Variants in POM121 observed in about 807,000 individuals in gnomAD.
POM121 encodes nuclear envelope pore membrane protein POM 121.
POM121 carries 32 observed loss-of-function variants against 81.3 expected under a neutral mutation model. The ratio of observed to expected loss-of-function variants is 0.39; its 90% CI spans 0.30 to 0.53. The LOEUF (loss-of-function observed/expected upper bound fraction) is 0.53, where lower values mean the gene tolerates loss of function less well. POM121 is among the 20% of genes least tolerant of loss of function. POM121 has a pLI of 0.66. For missense variants in POM121, 1,138 were observed against 1,614.6 expected, an observed-to-expected ratio of 0.70 and a Z score of 5.06; for synonymous variants, 514 against 694.2, an observed-to-expected ratio of 0.74 and a Z score of 4.08.
At chr7:72,902,777 G>A (rs1393308088) in intron 3 of POM121, among the ~76,000 whole-genome samples, 1 of 152,152 alleles carries the variant, frequency 6.6e-6, no homozygotes, top group African/African-American at 2.4e-5. Flanking sequence ...TGATCTGCCT[G>A]CCTCAACCTC....
At chr7:72,938,993 C>T (rs1796799474) in intron 6 of POM121, among the ~76,000 whole-genome samples, 1 of 152,230 alleles carries the variant, frequency 6.6e-6, no homozygotes, top group Non-Finnish European at 1.5e-5. Context: ...AGGTTCTTGA[C>T]TCGAGCTGAC....
intron 1 of POM121, among the ~76,000 whole-genome samples, chr7:72,883,135 G>T (rs531809536): frequency 6.6e-6 from 1 of 152,238 alleles, no homozygotes; most frequent in South Asian, 2.1e-4. Context: ...AATCTCCTGG[G>T]CCCACACGAT....
Position 72,881,066 on chromosome 7 carries a change from C to CTTTT in POM121, c.-521+1200_-521+1203dup, listed in dbSNP as rs3973810. On this transcript the variant is annotated intron_variant, in intron 1 of 15. Transcript: ENST00000395270. The stretch of plus-strand genomic sequence containing the variant: ...ACAGGCGCATGCTTCCCCTATCACT[C>CTTTT]TTTTTTTTTTTTTTTTTTTTTTGAG... Among the ~76,000 whole-genome samples the CTTTT allele has an allele frequency of 2.3e-4, 11 of 47,228 alleles. 1 individual carries two copies. The highest frequency in any genetic ancestry group is 1.2e-3 in the East Asian group (2 of 1,684). 31.0% of individuals were successfully genotyped at this position (47,228 alleles called of 152,430 possible). A position where few individuals can be genotyped will look rare whatever the true frequency, so the allele number is the denominator to read the frequency against.
At chr7:72,930,649 A>G (rs1289280465) in intron 5 of POM121, among the ~76,000 whole-genome samples, 1 of 152,236 alleles carries the variant, frequency 6.6e-6, no homozygotes, top group Non-Finnish European at 1.5e-5. Flanking sequence ...GGATTATCGC[A>G]TAGTATAGGG....
rs1554498235 is a variant in POM121 at position 72,929,948 on chromosome 7, C to T, written c.1112C>T (p.Ser371Phe). 1.2e-6 allele frequency: 2 copies of T among 1,605,612 alleles called. No homozygotes were observed. The stretch of plus-strand genomic sequence containing the variant: ...GTCTTCTCTTTTATTAGGCCTGGGT[C>T]TCTGAAGAGAGGCCTCAATTCTCAG... ...VPASFVPKPG[S>F]LKRGLNSQSS... The change falls in exon 5 of 13, where the codon TCT becomes TTT. Residue 371 changes from serine to phenylalanine, a missense_variant. Physicochemically the swap from Ser to Phe is radical, Grantham distance 155 (BLOSUM62 -2). This residue lies in a region of POM121 where 646 missense variants were observed against 633.5 expected (regional missense o/e 1.02). Coordinates refer to ENST00000434423, the MANE Select transcript of POM121 (RefSeq NM_001387691.1).
chr7:72,948,845 C>T (rs782344070), downstream of POM121: 2 of 1,562,482 alleles, frequency 1.3e-6, no homozygotes, highest in Non-Finnish European at 1.8e-6. Context: ...GGTAAGAGAG[C>T]AGTTCACCCC....
At position 72,943,792 on chromosome 7, in the gene POM121, T is replaced by G. The variant is rs1240324092; in HGVS notation, c.3529+270T>G. Among the ~76,000 whole-genome samples the G allele has an allele frequency of 3.3e-5, 5 of 152,250 alleles. No homozygotes were observed. In the East Asian group the frequency reaches 9.7e-4, roughly 29 times the overall value. On this transcript the variant is annotated intron_variant, in intron 11 of 12. Coordinates refer to ENST00000434423, the MANE Select transcript of POM121 (RefSeq NM_001387691.1). ...GTGGCTCACGCTTGTAATCCCAATA[T>G]TTTGGGAGGCCAAGGAGGGTGCATC...
intron 1 of POM121, among the ~76,000 whole-genome samples, 174 bp from the exon 2 acceptor site, chr7:72,926,088 T>C (rs1288086443): frequency 6.6e-6 from 1 of 152,166 alleles, no homozygotes; most frequent in Non-Finnish European, 1.5e-5. Flanking sequence ...CAGCTGTCAC[T>C]CTCTGGCCTT....
chr7:72,907,658 G>C (rs1554493631), intron 3 of POM121, among the ~76,000 whole-genome samples: 1 of 152,058 alleles, frequency 6.6e-6, no homozygotes, highest in East Asian at 1.9e-4. Context: ...TTGCAGGCAT[G>C]CACCGCCACG....
At chr7:72,948,971 A>G, downstream of POM121, 1 of 1,610,974 alleles carries the variant, frequency 6.2e-7, no homozygotes, top group South Asian at 1.1e-5. Flanking sequence ...CACATGGAGT[A>G]GACGAGCCGC....
At chr7:72,902,834 TATG>T (rs1277635206) in intron 3 of POM121, among the ~76,000 whole-genome samples, 2 of 152,220 alleles carry the variant, frequency 1.3e-5, no homozygotes, top group Non-Finnish European at 1.5e-5. Flanking sequence ...CTCACCTGTC[TATG>T]ATATTTTCTA....
chr7:72,922,673 G>A (rs1554496188), upstream of POM121, among the ~76,000 whole-genome samples: 1 of 151,948 alleles, frequency 6.6e-6, no homozygotes, highest in Admixed American at 6.6e-5. Context: ...TTATGTGTAA[G>A]CCACCATGCC....
rs142077789 is a variant in POM121, at chr7:72,943,193, C to T, written c.3200C>T (p.Ala1067Val). The T allele has an allele frequency of 5.0e-6, 8 of 1,613,134 alleles. No homozygotes were observed. Among genetic ancestry groups the T allele is most frequent in the Non-Finnish European group, 5.9e-6 (7 of 1,179,824 alleles). ...FGGSTAVFFG[A>V]ATSSGFGATT... ...GGCTCCACTGCTGTCTTCTTCGGTG[C>T]AGCCACCAGCTCCGGCTTTGGAGCC... The change falls in exon 11 of 13, where the codon GCA (alanine) becomes GTA (valine). Residue 1067 changes from alanine to valine, a missense_variant. Coordinates refer to ENST00000434423, the MANE Select transcript of POM121 (RefSeq NM_001387691.1).
chr7:72,949,257 G>C, downstream of POM121: 1 of 826,032 alleles, frequency 1.2e-6, no homozygotes, highest in Non-Finnish European at 2.2e-6. Context: ...GATGACTCCA[G>C]GTCTAAGCTG....
rs1162422349 is a variant in POM121, at chr7:72,892,141, C to T, written c.-216+1031C>T. ...TTTCTTGCCTTTTCAGGAGTGTCCT[C>T]TTAGAACCCATTTTCCACTTTTTTG... On this transcript the variant is annotated intron_variant, in intron 3 of 15. Coordinates refer to the POM121 transcript ENST00000395270. 3.9e-5 allele frequency among the ~76,000 whole-genome samples: 6 copies of T among 152,354 alleles called. No individual in the cohort carries two copies. The East Asian group carries it at 9.6e-4, about 24-fold the overall frequency.
chr7:72,925,936 G>A (rs1199342351), intron 1 of POM121, among the ~76,000 whole-genome samples, 171 bp downstream of exon 1: 1 of 152,054 alleles, frequency 6.6e-6, no homozygotes, highest in African/African-American at 2.4e-5. Context: ...TCTGACTCTT[G>A]GAATGAGATG....
chr7:72,897,356 A>G (rs1264684683), intron 3 of POM121, among the ~76,000 whole-genome samples: 3 of 151,996 alleles, frequency 2.0e-5, no homozygotes, highest in Non-Finnish European at 2.9e-5. Context: ...CCAGAGAGGA[A>G]TATGCATGGC....
chr7:72,948,474 C>G (rs367915096), downstream of POM121: 2 of 1,613,462 alleles, frequency 1.2e-6, no homozygotes, highest in African/African-American at 1.3e-5. Flanking sequence ...GGAGTGAGCC[C>G]GGAGCCTCTG....
chr7:72,917,177 T>A (rs1794365837), intron 4 of POM121, among the ~76,000 whole-genome samples: 1 of 152,236 alleles, frequency 6.6e-6, no homozygotes, highest in Admixed American at 6.5e-5. Flanking sequence ...GATTTATCAT[T>A]TTCATGTGTG....
Sources: allele counts gnomAD v4.1 joint callset (sites outside exome capture counted in the v4.1 genomes callset), GRCh38; gene constraint gnomAD v4.1.1; regional missense constraint gnomAD v4.1.1; transcripts MANE v1.5; gene names NCBI Gene and HGNC (gene_info 2026-07-23, HGNC 2026-07-21).